The following TBL1X variants were observed in gnomAD, a reference collection of about 807,000 sequenced individuals.
TBL1X encodes F-box-like/WD repeat-containing protein TBL1X.
A neutral mutation model predicts 50.7 loss-of-function variants in TBL1X; 10 were observed. The ratio of observed to expected loss-of-function variants is 0.20; its 90% confidence interval spans 0.12 to 0.33. TBL1X has a LOEUF of 0.33. TBL1X is among the 10% of genes least tolerant of loss of function. The pLI is 1.00. For missense variants in TBL1X, 340 were observed against 504.4 expected (o/e 0.67, Z 3.12); for synonymous variants, 190 against 214.7 (o/e 0.88, Z 1.01).
chrX:9,473,706 G>C (rs1014141775), intron 1 of TBL1X, among the ~76,000 whole-genome samples: 1 of 112,151 alleles, frequency 8.9e-6, no homozygotes, highest in African/African-American at 3.2e-5. Context: ...TTCCCAATTT[G>C]ATTATGAAGA....
At chrX:9,517,273 AC>A (rs2082085073) in intron 2 of TBL1X, among the ~76,000 whole-genome samples, 1 of 110,732 alleles carries the variant, frequency 9.0e-6, no homozygotes, top group Admixed American at 9.7e-5. Flanking sequence ...CCTGCCTTTG[AC>A]CCTCTGCTCT....
intron 1 of TBL1X, among the ~76,000 whole-genome samples, chrX:9,466,064 C>T (rs2081771606): frequency 1.8e-5 from 2 of 112,764 alleles, no homozygotes; most frequent in African/African-American, 3.2e-5. Context: ...CTCCGCCCAT[C>T]TCCCCGGCCT....
At chrX:9,709,156 C>T (rs779396243) in intron 13 of TBL1X, 92 bp from the exon 14 acceptor site, 89 of 918,067 alleles carry the variant, frequency 9.7e-5, no homozygotes, top group Non-Finnish European at 1.3e-4. Context: ...CCTTCTGCAG[C>T]GCCGGTGGCG....
chrX:9,650,596 G>A (rs1359992604), intron 3 of TBL1X, among the ~76,000 whole-genome samples: 2 of 111,402 alleles, frequency 1.8e-5, no homozygotes, highest in African/African-American at 6.5e-5. Context: ...TCCTTTCCAC[G>A]GGACTCCAGA....
intron 1 of TBL1X, among the ~76,000 whole-genome samples, chrX:9,466,013 C>T (rs2146917276): frequency 8.8e-6 from 1 of 113,234 alleles, no homozygotes; most frequent in African/African-American, 3.2e-5. Flanking sequence ...TGCTCAGTTT[C>T]TGACGCGCAG....
chrX:9,620,434 T>G (rs2082660772), intron 2 of TBL1X, among the ~76,000 whole-genome samples: 1 of 112,623 alleles, frequency 8.9e-6, no homozygotes, highest in Non-Finnish European at 1.9e-5. Flanking sequence ...CTTGGGAGAC[T>G]TGTAGCAAAC....
chrX:9,525,890 T>G (rs2082129536), intron 2 of TBL1X, among the ~76,000 whole-genome samples: 1 of 111,968 alleles, frequency 8.9e-6, no homozygotes, highest in African/African-American at 3.2e-5. Flanking sequence ...TTAGGAGTGT[T>G]AGATGCCTTC....
At chrX:9,691,370 A>G (rs1308541872) in intron 7 of TBL1X, among the ~76,000 whole-genome samples, 1 of 101,688 alleles carries the variant, frequency 9.8e-6, no homozygotes, top group East Asian at 3.5e-4. Flanking sequence ...TGGGAGACGG[A>G]GGTTGCAGTG....
intron 1 of TBL1X, among the ~76,000 whole-genome samples, chrX:9,500,476 A>G (rs1441930931): frequency 9.1e-6 from 1 of 110,202 alleles, no homozygotes; most frequent in African/African-American, 3.3e-5. Context: ...GGTTCCTGTA[A>G]TCCCAGCTAC....
In TBL1X at chrX:9,682,786, C is replaced by T. The variant is rs991712380; in HGVS notation, c.212-1257C>T. Among the ~76,000 whole-genome samples the T allele has an allele frequency of 6.2e-5, 7 of 112,264 alleles. 1 individual carries two copies. The highest frequency in any genetic ancestry group is 1.3e-4 in the Non-Finnish European group (7 of 53,178). On this transcript the variant is annotated intron_variant, in intron 5 of 17. Coordinates refer to ENST00000645353, the MANE Select transcript of TBL1X (RefSeq NM_005647.4). ...TGACAGTCCTGCCTCCTGGGATAAG[C>T]AGATTCTCAGCCTGCAGAGTGGTCT...
intron 2 of TBL1X, among the ~76,000 whole-genome samples, chrX:9,593,668 C>T (rs1283264540): frequency 1.8e-5 from 2 of 110,667 alleles, no homozygotes; most frequent in Non-Finnish European, 3.8e-5. Flanking sequence ...TTTTCTCTCA[C>T]CTCTCCTCCA....
chrX:9,626,869 G>A (rs1356910701), intron 2 of TBL1X, among the ~76,000 whole-genome samples: 3 of 112,327 alleles, frequency 2.7e-5, no homozygotes. Flanking sequence ...TGAGGAATCA[G>A]AATTCTTACA....
chrX:9,545,000 CT>C (rs34726098), intron 2 of TBL1X, among the ~76,000 whole-genome samples: 980 of 71,687 alleles, frequency 0.014, 9 homozygotes, highest in African/African-American at 0.039. Context: ...TTTCCCCCCA[CT>C]TTTTTTTTTT....
intron 2 of TBL1X, among the ~76,000 whole-genome samples, chrX:9,541,561 C>T (rs947188556): frequency 1.8e-5 from 2 of 112,721 alleles, no homozygotes; most frequent in African/African-American, 6.4e-5. Flanking sequence ...TTTGCTGTGT[C>T]AGGAACGACT....
intron 1 of TBL1X, among the ~76,000 whole-genome samples, chrX:9,466,425 C>T (rs1270303108): frequency 2.7e-5 from 3 of 112,854 alleles, no homozygotes; most frequent in Non-Finnish European, 5.6e-5. Context: ...GCCTCGTGTT[C>T]CCCCAGCCAG....
At chrX:9,647,688 T>C (rs935195605) in intron 3 of TBL1X, among the ~76,000 whole-genome samples, 3 of 112,128 alleles carry the variant, frequency 2.7e-5, no homozygotes, top group African/African-American at 9.7e-5. Context: ...ATGCGGCTTG[T>C]GTCTCCAGCT....
At chrX:9,650,575 T>C (rs1454644282) in intron 3 of TBL1X, among the ~76,000 whole-genome samples, 2 of 111,691 alleles carry the variant, frequency 1.8e-5, no homozygotes, top group East Asian at 5.6e-4. Context: ...ACTCGTCCTT[T>C]GTAATTCTCT....
chrX:9,673,696 T>C (rs2082973584), intron 5 of TBL1X, among the ~76,000 whole-genome samples: 1 of 112,680 alleles, frequency 8.9e-6, no homozygotes, highest in Non-Finnish European at 1.9e-5. Flanking sequence ...ATGTGCTACG[T>C]GATGCTTTCA....
intron 2 of TBL1X, among the ~76,000 whole-genome samples, chrX:9,576,088 G>A (rs533700445): frequency 8.9e-6 from 1 of 112,200 alleles, no homozygotes; most frequent in East Asian, 2.8e-4. Context: ...AAGATCTTGA[G>A]TAAATTATGC....
Sources: allele counts gnomAD v4.1 joint callset (sites outside exome capture counted in the v4.1 genomes callset), GRCh38; gene constraint gnomAD v4.1.1; transcripts MANE v1.5; gene names NCBI Gene and HGNC (gene_info 2026-07-23, HGNC 2026-07-21).